The following ARMC9 variants were observed in gnomAD, a reference collection of about 807,000 sequenced individuals.
ARMC9 encodes the protein armadillo repeat containing 9.
A neutral mutation model predicts 107.0 loss-of-function variants in ARMC9; 94 were observed. That is an observed-to-expected ratio of 0.88 (90% confidence interval 0.74 to 1.04). ARMC9 has a LOEUF of 1.04. ARMC9 is among the 50% of genes least tolerant of loss of function. ARMC9 has a pLI of 0.00. For synonymous variants in ARMC9, 380 were observed against 396.9 expected, an observed-to-expected ratio of 0.96 and a Z score of 0.51; for missense variants, 942 against 1,030.1, an observed-to-expected ratio of 0.91 and a Z score of 1.17.
chr2:231,300,279 A>G (rs991550842), intron 19 of ARMC9, among the ~76,000 whole-genome samples: 1 of 152,228 alleles, frequency 6.6e-6, no homozygotes, highest in Non-Finnish European at 1.5e-5. Context: ...ATGCTCAGCA[A>G]TTTCCTTCTA....
At chr2:231,355,758 G>A in intron 21 of ARMC9, 40 bp from the exon 22 acceptor site, 1 of 1,507,374 alleles carries the variant, frequency 6.6e-7, no homozygotes, top group Admixed American at 2.0e-5. Flanking sequence ...GAATCTCCTG[G>A]CTGGCTGTAC....
intron 14 of ARMC9, among the ~76,000 whole-genome samples, chr2:231,273,461 G>A (rs2039506648): frequency 6.6e-6 from 1 of 152,142 alleles, no homozygotes; most frequent in Non-Finnish European, 1.5e-5. Flanking sequence ...CCAGCAGAGT[G>A]TCAAGGGCAG....
intron 18 of ARMC9, among the ~76,000 whole-genome samples, chr2:231,293,618 G>A (rs908404882): frequency 6.6e-6 from 1 of 152,188 alleles, no homozygotes; most frequent in South Asian, 2.1e-4. Context: ...TTTTGTAAGG[G>A]ATGTCTCTGG....
chr2:231,368,072 C>T (rs957892308), intron 23 of ARMC9, among the ~76,000 whole-genome samples: 57 of 151,732 alleles, frequency 3.8e-4, no homozygotes, highest in African/African-American at 1.4e-3. Context: ...AAATTTGAAC[C>T]AAATAATTTT....
intron 20 of ARMC9, among the ~76,000 whole-genome samples, chr2:231,344,731 T>A (rs1360114972): frequency 6.6e-6 from 1 of 152,216 alleles, no homozygotes; most frequent in Non-Finnish European, 1.5e-5. Flanking sequence ...TTCTTCCTTT[T>A]CCTAGGGTTT....
chr2:231,376,656 G>A lies in ARMC9; in HGVS notation c.*5121G>A, dbSNP rs956402412. ...CTTGGTCCTGTGGTCCTGTGATCTC[G>A]CCCTGCCTCCACTTGCCTTGTGATA... On this transcript the variant is annotated 3_prime_UTR_variant, in exon 25 of 25. Coordinates refer to ENST00000611582, the MANE Select transcript of ARMC9 (RefSeq NM_001352754.2). 6.6e-6 allele frequency among the ~76,000 whole-genome samples: 1 copy of A among 152,044 alleles called. No individual in the cohort carries two copies. The highest frequency in any genetic ancestry group is 2.1e-4 in the South Asian group (1 of 4,816).
chr2:231,238,846 A>G (rs1368863453), intron 8 of ARMC9, among the ~76,000 whole-genome samples: 3 of 152,242 alleles, frequency 2.0e-5, no homozygotes, highest in Non-Finnish European at 4.4e-5. Context: ...ATGTGGCTGA[A>G]GCAGACCAGA....
At chr2:231,217,518 C>T (rs2033645077) in intron 5 of ARMC9, among the ~76,000 whole-genome samples, 2 of 150,868 alleles carry the variant, frequency 1.3e-5, no homozygotes, top group African/African-American at 4.9e-5. Flanking sequence ...TGCAGTGAAC[C>T]AGGAGTGCCA....
intron 19 of ARMC9, among the ~76,000 whole-genome samples, chr2:231,316,325 T>C (rs1406171106): frequency 6.6e-6 from 1 of 152,014 alleles, no homozygotes; most frequent in East Asian, 1.9e-4. Flanking sequence ...CTTGATTTGG[T>C]CAAAACACCT....
intron 11 of ARMC9, among the ~76,000 whole-genome samples, chr2:231,260,742 T>C (rs114973281): frequency 2.0e-5 from 3 of 152,320 alleles, no homozygotes; most frequent in Non-Finnish European, 2.9e-5. Flanking sequence ...TCATCTTTTA[T>C]GCGGCTCTTG....
In ARMC9 at chr2:231,376,678, G is replaced by C. The variant is rs2046207511; in HGVS notation, c.*5143G>C. On this transcript the variant is annotated 3_prime_UTR_variant, in exon 25 of 25. Coordinates refer to ENST00000611582, the MANE Select transcript of ARMC9 (RefSeq NM_001352754.2). ...CTCGCCCTGCCTCCACTTGCCTTGT[G>C]ATATTCTATTACCCTGTTAAGTACT... Among the ~76,000 whole-genome samples, 1 of 152,076 alleles carries C rather than the reference G, an allele frequency of 6.6e-6. No homozygotes were observed. Among genetic ancestry groups the C allele is most frequent in the Non-Finnish European group, 1.5e-5 (1 of 68,042 alleles).
rs1393734697 is a variant in ARMC9 at position 231,297,582 on chromosome 2, A to G, written c.1773+1329A>G. Among the ~76,000 whole-genome samples, 1 of 152,184 alleles carries G rather than the reference A, an allele frequency of 6.6e-6. No homozygotes were observed. The highest frequency in any genetic ancestry group is 2.4e-5 in the African/African-American group (1 of 41,438). On this transcript the variant is annotated intron_variant, in intron 19 of 24. Coordinates refer to ENST00000611582, the MANE Select transcript of ARMC9 (RefSeq NM_001352754.2). This position sits in a 1 kb window ranked among gnomAD's most constrained non-coding sequence, Gnocchi z 4.2. ...TGTAAAACTATTTATGGACGCTAAA[A>G]ATTTGAATTTCATACAATTTTTGCA...
rs1322418026 is a variant in ARMC9, at chr2:231,302,433, G to GTTTTTTTTT, written c.1773+6183_1773+6184insTTTTTTTTT. On this transcript the variant is annotated intron_variant, in intron 19 of 24. Transcript: ENST00000611582. The stretch of plus-strand genomic sequence containing the variant: ...TTTATGAAAAAGTGTAGCATTGTGG[G>GTTTTTTTTT]TTTGTTTTTTTTTTTTTTTTTTTTT... Among the ~76,000 whole-genome samples the GTTTTTTTTT allele has an allele frequency of 1.2e-4, 12 of 96,448 alleles. 1 individual carries two copies. The highest frequency in any genetic ancestry group is 1.5e-4 in the African/African-American group (4 of 26,560). The allele number at this position is 96,448 out of a possible 152,430, so 63.3% of individuals were successfully genotyped here.
rs1471773030 is a variant in ARMC9, at chr2:231,372,749, T to TATGA, written c.*1214_*1215insATGA. 1.1e-5 allele frequency: 1 copy of TATGA among 90,300 alleles called. No homozygotes were observed. Among genetic ancestry groups the TATGA allele is most frequent in the Non-Finnish European group, 2.0e-5 (1 of 51,168 alleles). The allele number at this position is 90,300 out of a possible 1,614,324, so 5.6% of individuals were successfully genotyped here. A position where few individuals can be genotyped will look rare whatever the true frequency, so the allele number is the denominator to read the frequency against. ...GTGTGTGTGTGTGTGTGTGTGTGTG[T>TATGA]GTGTGTATGAGTGTATGAAGGGAAA... On this transcript the variant is annotated 3_prime_UTR_variant, in exon 25 of 25. Transcript: ENST00000611582.
intron 19 of ARMC9, among the ~76,000 whole-genome samples, chr2:231,324,498 T>A (rs185374723): frequency 6.9e-6 from 1 of 144,310 alleles, no homozygotes; most frequent in African/African-American, 2.5e-5. Flanking sequence ...ACGCCTGTAA[T>A]CCCAGCACTT....
rs1197296222 is a variant in ARMC9 at position 231,360,823 on chromosome 2, C to A, written c.2201C>A (p.Thr734Lys). 1.3e-6 allele frequency: 2 copies of A among 1,536,062 alleles called. No individual in the cohort carries two copies. The highest frequency in any genetic ancestry group is 1.7e-6 in the Non-Finnish European group (2 of 1,146,870). Reference sequence around the variant, plus strand: ...CAGGAAGAGCCTCGCCCAGCCCCCACGGGGACCCCCCGCCAGCCAAGGGAG... The same window carrying A: ...CAGGAAGAGCCTCGCCCAGCCCCCAAGGGGACCCCCCGCCAGCCAAGGGAG... ...GRQEEPRPAP[T>K]GTPRQPREAP... The change falls in exon 23 of 25, where the codon ACG becomes AAG. Residue 734 changes from threonine (T) to lysine (K), a missense_variant. Coordinates refer to ENST00000611582, the MANE Select transcript of ARMC9 (RefSeq NM_001352754.2). The surrounding 1 kb of genome is among the most constrained non-coding windows in gnomAD (Gnocchi z 4.7).
intron 18 of ARMC9, among the ~76,000 whole-genome samples, chr2:231,291,719 A>G (rs1219862423): frequency 1.2e-4 from 18 of 145,534 alleles, no homozygotes; most frequent in Middle Eastern, 4.0e-3. Context: ...GGAGGCTGAG[A>G]CAGGAGAATC....
intron 19 of ARMC9, among the ~76,000 whole-genome samples, chr2:231,301,442 G>A (rs2041719427): frequency 6.6e-6 from 1 of 151,924 alleles, no homozygotes; most frequent in Non-Finnish European, 1.5e-5. Flanking sequence ...ATTTCACTAG[G>A]AGAACATGAA....
At chr2:231,218,912 C>T (rs531438194) in intron 5 of ARMC9, among the ~76,000 whole-genome samples, 7 of 152,056 alleles carry the variant, frequency 4.6e-5, no homozygotes, top group Admixed American at 1.3e-4. Context: ...CCACCATGTC[C>T]GGCTAATTTT....
Sources: allele counts gnomAD v4.1 joint callset (sites outside exome capture counted in the v4.1 genomes callset), GRCh38; gene constraint gnomAD v4.1.1; non-coding constraint Gnocchi (gnomAD v3.1); transcripts MANE v1.5; gene names NCBI Gene and HGNC (gene_info 2026-07-23, HGNC 2026-07-21).